The following MYO3B variants were observed in gnomAD, a reference collection of about 807,000 sequenced individuals.
MYO3B encodes myosin-IIIb.
Under a neutral mutation model 174.6 loss-of-function variants are expected in MYO3B, and 156 were observed. That is an observed-to-expected ratio of 0.89 (90% CI 0.78 to 1.02). The LOEUF (loss-of-function observed/expected upper bound fraction) is 1.02. Ranked by LOEUF, MYO3B falls within the 50% of genes least tolerant of loss-of-function variation. The probability of loss-of-function intolerance (pLI) is 0.00; values close to 1 mark genes in which losing one functional copy is unlikely to be tolerated. For missense variants in MYO3B, 1,632 were observed against 1,639.4 expected, an observed-to-expected ratio of 1.00 and a Z score of 0.08; for synonymous variants, 563 against 569.1, an observed-to-expected ratio of 0.99 and a Z score of 0.15.
At chr2:170,398,838 G>A (rs2094456484) in intron 16 of MYO3B, among the ~76,000 whole-genome samples, 1 of 152,148 alleles carries the variant, frequency 6.6e-6, no homozygotes, top group African/African-American at 2.4e-5. Context: ...TGAAAAGTCA[G>A]CCCTCTGTAT....
At chr2:170,434,063 G>T (rs2094731646) in intron 22 of MYO3B, among the ~76,000 whole-genome samples, 1 of 152,150 alleles carries the variant, frequency 6.6e-6, no homozygotes, top group African/African-American at 2.4e-5. Flanking sequence ...GCTTCCTACA[G>T]CTGTGTCATA....
intron 7 of MYO3B, among the ~76,000 whole-genome samples, chr2:170,310,717 G>C (rs1270238815): frequency 6.9e-6 from 1 of 145,678 alleles, no homozygotes. Flanking sequence ...CAGAAAGGCA[G>C]TACAACTTGA....
chr2:170,233,515 G>A (rs1456797557), intron 6 of MYO3B, among the ~76,000 whole-genome samples: 1 of 152,190 alleles, frequency 6.6e-6, no homozygotes, highest in South Asian at 2.1e-4. Context: ...TCACCTGATT[G>A]GGGTGAGGAA....
At chr2:170,211,300 G>C (rs1175460072) in intron 3 of MYO3B, among the ~76,000 whole-genome samples, 2 of 152,150 alleles carry the variant, frequency 1.3e-5, no homozygotes, top group Non-Finnish European at 2.9e-5. Context: ...AGAGGAAAAA[G>C]CATAAAGGCC....
At chr2:170,207,811 T>G (rs1345105248) in intron 3 of MYO3B, among the ~76,000 whole-genome samples, 1 of 152,102 alleles carries the variant, frequency 6.6e-6, no homozygotes, top group Non-Finnish European at 1.5e-5. Flanking sequence ...GGTTCCCTTC[T>G]CTTCCTAGCA....
intron 32 of MYO3B, among the ~76,000 whole-genome samples, chr2:170,549,348 T>A (rs1690735960): frequency 6.6e-6 from 1 of 152,126 alleles, no homozygotes; most frequent in Non-Finnish European, 1.5e-5. Context: ...GGGTCACAGT[T>A]GGCAAAGCAC....
intron 6 of MYO3B, among the ~76,000 whole-genome samples, chr2:170,231,674 G>A (rs556966287): frequency 6.6e-6 from 1 of 152,326 alleles, no homozygotes; most frequent in African/African-American, 2.4e-5. Flanking sequence ...ACAGCAACCA[G>A]CATATTTTCA....
At chr2:170,207,117 A>G (rs1559299282) in intron 3 of MYO3B, among the ~76,000 whole-genome samples, 2 of 152,056 alleles carry the variant, frequency 1.3e-5, no homozygotes. Context: ...TAGATTTCCA[A>G]ATGGGAAGAG....
chr2:170,646,917 CATTACGG>C, intron 32 of MYO3B: 4 of 1,360,316 alleles, frequency 2.9e-6, no homozygotes, highest in Non-Finnish European at 3.9e-6. Context: ...AGCCTTTCCA[CATTACGG>C]ATGTAACTTT....
rs370666860 is a variant in MYO3B at position 170,370,322 on chromosome 2, A to T, written c.971+945A>T. ...CTGTTTACTAATCAAAAAGCCAAAC[A>T]TTGGCATCCAAACTCTTGGAGCTGG... On this transcript the variant is annotated intron_variant, in intron 9 of 34. Transcript: ENST00000408978. Among the ~76,000 whole-genome samples the T allele has an allele frequency of 5.3e-5, 8 of 152,302 alleles. No homozygotes were observed. In the East Asian group the frequency reaches 1.5e-3, roughly 29 times the overall value.
At chr2:170,280,895 A>G (rs985981725) in intron 7 of MYO3B, among the ~76,000 whole-genome samples, 2 of 151,962 alleles carry the variant, frequency 1.3e-5, no homozygotes, top group Non-Finnish European at 2.9e-5. Context: ...AGTATAGTTT[A>G]AAGTTTAGTA....
At chr2:170,253,071 G>C (rs1247593212) in intron 7 of MYO3B, among the ~76,000 whole-genome samples, 1 of 152,172 alleles carries the variant, frequency 6.6e-6, no homozygotes, top group Non-Finnish European at 1.5e-5. Context: ...ACATGAATTA[G>C]CTTCTGTTTT....
intron 7 of MYO3B, among the ~76,000 whole-genome samples, chr2:170,243,843 G>A (rs1371228650): frequency 1.3e-5 from 2 of 152,206 alleles, no homozygotes; most frequent in East Asian, 1.9e-4. Context: ...AATGAAGGCT[G>A]ATTTCTGAAG....
intron 3 of MYO3B, among the ~76,000 whole-genome samples, chr2:170,213,921 T>A (rs2092800145): frequency 6.6e-6 from 1 of 152,176 alleles, no homozygotes; most frequent in Non-Finnish European, 1.5e-5. Context: ...AAATTTATTC[T>A]CTCTCAGGTA....
intron 30 of MYO3B, among the ~76,000 whole-genome samples, chr2:170,531,881 C>A (rs1038628632): frequency 1.3e-5 from 2 of 152,140 alleles, no homozygotes; most frequent in African/African-American, 4.8e-5. Flanking sequence ...AACAGAAAAT[C>A]ATCATTTGGC....
chr2:170,395,788 C>T (rs114307997), intron 16 of MYO3B, among the ~76,000 whole-genome samples: 1,882 of 152,224 alleles, frequency 0.012, 40 homozygotes, highest in African/African-American at 0.043. Context: ...AGACTGGGAA[C>T]GGAAGTAAAT....
In MYO3B at chr2:170,199,745, C is replaced by T. The variant is rs183075630; in HGVS notation, c.186+354C>T. Among the ~76,000 whole-genome samples the T allele has an allele frequency of 3.9e-5, 6 of 152,172 alleles. No individual in the cohort carries two copies. The East Asian group carries it at 5.8e-4, about 15-fold the overall frequency. Reference sequence around the variant, plus strand: ...ACGCTGACATCTTATTTTAGAGCACCGGGGTTATAATGCTGTATGCTGTTT... The same window carrying T: ...ACGCTGACATCTTATTTTAGAGCACTGGGGTTATAATGCTGTATGCTGTTT... On this transcript the variant is annotated intron_variant, in intron 2 of 34. Coordinates refer to ENST00000408978, the MANE Select transcript of MYO3B (RefSeq NM_138995.5).
At chr2:170,608,176 A>G (rs557417165) in intron 32 of MYO3B, among the ~76,000 whole-genome samples, 39 of 152,314 alleles carry the variant, frequency 2.6e-4, no homozygotes, top group African/African-American at 7.7e-4. Flanking sequence ...CCACTGCACT[A>G]CAGCCTAGGT....
chr2:170,200,686 A>C (rs989489616), intron 3 of MYO3B, among the ~76,000 whole-genome samples: 1 of 152,174 alleles, frequency 6.6e-6, no homozygotes. Context: ...CTCATTTTAG[A>C]TTGGGTTTCC....
Sources: gnomAD v4.1 joint callset for allele counts (sites outside exome capture counted in the v4.1 genomes callset) on GRCh38, gnomAD v4.1.1 for gene constraint, MANE v1.5 for transcripts, NCBI Gene and HGNC (gene_info 2026-07-23, HGNC 2026-07-21) for gene names.